Variants in NCKAP5 observed in about 807,000 individuals in gnomAD.
NCKAP5 encodes NCK associated protein 5, also known as nck-associated protein 5.
NCKAP5 carries 92 observed loss-of-function variants against 167.0 expected under a neutral mutation model. The ratio of observed to expected loss-of-function variants is 0.55; its 90% CI spans 0.47 to 0.66. NCKAP5 has a LOEUF of 0.66. Ranked by LOEUF, NCKAP5 falls within the 30% of genes least tolerant of loss-of-function variation. The pLI is 0.00. For missense variants in NCKAP5, 2,378 were observed against 2,315.0 expected, an observed-to-expected ratio of 1.03 and a Z score of -0.56; for synonymous variants, 891 against 877.4, an observed-to-expected ratio of 1.02 and a Z score of -0.27.
chr2:133,457,187 T>C (rs1267199657), intron 3 of NCKAP5, among the ~76,000 whole-genome samples: 2 of 152,214 alleles, frequency 1.3e-5, no homozygotes, highest in African/African-American at 4.8e-5. Flanking sequence ...TTGGATTAAA[T>C]AGTTTCTGAT....
chr2:133,636,717 A>G, the NCKAP5 span, among the ~76,000 whole-genome samples: 2 of 152,196 alleles, frequency 1.3e-5, no homozygotes, highest in Admixed American at 6.5e-5. Context: ...CCAGGGAGGA[A>G]AGCAAATGCT....
chr2:132,920,781 A>G (rs57202596), intron 8 of NCKAP5, among the ~76,000 whole-genome samples: 1,207 of 46,068 alleles, frequency 0.026, 141 homozygotes, highest in East Asian at 0.098. Context: ...GTATATATAT[A>G]TATATATATA....
At chr2:133,274,783 GAA>G (rs35506573) in intron 4 of NCKAP5, among the ~76,000 whole-genome samples, 1 of 145,956 alleles carries the variant, frequency 6.9e-6, no homozygotes, top group Non-Finnish European at 1.5e-5. Context: ...TGTGATAATG[GAA>G]AAAAAAAAAT....
At chr2:133,451,982 T>C (rs1231483945) in intron 3 of NCKAP5, among the ~76,000 whole-genome samples, 1 of 152,124 alleles carries the variant, frequency 6.6e-6, no homozygotes, top group Admixed American at 6.5e-5. Flanking sequence ...CAAGAAAATT[T>C]AGAGGAGGAG....
At chr2:133,303,549 A>T (rs1680556427) in intron 3 of NCKAP5, among the ~76,000 whole-genome samples, 1 of 152,146 alleles carries the variant, frequency 6.6e-6, no homozygotes, top group African/African-American at 2.4e-5. Context: ...TATAAATATA[A>T]TATATACCCA....
the NCKAP5 span, among the ~76,000 whole-genome samples, chr2:133,641,365 A>G: frequency 6.6e-6 from 1 of 152,314 alleles, no homozygotes; most frequent in African/African-American, 2.4e-5. Context: ...ACCTTTCTCC[A>G]CCATCTAATG....
chr2:133,437,919 A>G (rs1486623026), intron 3 of NCKAP5, among the ~76,000 whole-genome samples: 1 of 151,114 alleles, frequency 6.6e-6, no homozygotes, highest in Non-Finnish European at 1.5e-5. Context: ...TTATTATTTT[A>G]TCTATTTTAC....
chr2:133,251,513 A>G (rs1259074029), intron 4 of NCKAP5, among the ~76,000 whole-genome samples: 1 of 152,164 alleles, frequency 6.6e-6, no homozygotes, highest in Non-Finnish European at 1.5e-5. Flanking sequence ...GAGGATGACA[A>G]CACTAAACAC....
intron 8 of NCKAP5, among the ~76,000 whole-genome samples, chr2:132,883,809 A>C (rs1691986002): frequency 6.6e-6 from 1 of 152,200 alleles, no homozygotes; most frequent in Non-Finnish European, 1.5e-5. Context: ...TGCAGAAGGC[A>C]TGGGTTATAT....
intron 8 of NCKAP5, among the ~76,000 whole-genome samples, chr2:132,941,520 G>T (rs1344527860): frequency 1.3e-5 from 2 of 152,122 alleles, no homozygotes; most frequent in African/African-American, 4.8e-5. Flanking sequence ...TGGCAACACA[G>T]AAATCTGGTG....
chr2:133,314,544 T>C (rs1413033878), intron 3 of NCKAP5, among the ~76,000 whole-genome samples: 1 of 152,186 alleles, frequency 6.6e-6, no homozygotes, highest in East Asian at 1.9e-4. Flanking sequence ...GTTTACTGAT[T>C]ACCCCGATTA....
the NCKAP5 span, among the ~76,000 whole-genome samples, chr2:133,583,359 G>A: frequency 6.6e-6 from 1 of 152,178 alleles, no homozygotes; most frequent in African/African-American, 2.4e-5. Flanking sequence ...AAAGAGCATG[G>A]CACTTCCCCC....
At chr2:133,185,428 T>C (rs1298673963) in intron 5 of NCKAP5, among the ~76,000 whole-genome samples, 8 of 152,138 alleles carry the variant, frequency 5.3e-5, no homozygotes. Flanking sequence ...TGCTCCAGAA[T>C]TCTTTGACTA....
At chr2:133,447,832 G>T (rs1691301166) in intron 3 of NCKAP5, among the ~76,000 whole-genome samples, 2 of 152,036 alleles carry the variant, frequency 1.3e-5, no homozygotes, top group Admixed American at 1.3e-4. Flanking sequence ...GAATCATCTT[G>T]CATCTCTACC....
chr2:132,868,908 A>G (rs1285863087), intron 10 of NCKAP5, 28 bp downstream of exon 10: 1 of 1,529,420 alleles, frequency 6.5e-7, no homozygotes, highest in East Asian at 2.4e-5. Context: ...AAGTGCCTTG[A>G]AAAGAACAAA....
chr2:133,205,845 T>C (rs1392025347), intron 5 of NCKAP5, among the ~76,000 whole-genome samples: 3 of 152,134 alleles, frequency 2.0e-5, no homozygotes, highest in Non-Finnish European at 4.4e-5. Flanking sequence ...TATATGCCTT[T>C]TTTACTATTT....
intron 3 of NCKAP5, among the ~76,000 whole-genome samples, chr2:133,329,004 T>C (rs1406388056): frequency 6.6e-6 from 1 of 152,076 alleles, no homozygotes; most frequent in Admixed American, 6.5e-5. Context: ...AGAAAGGCAA[T>C]AAAAAGGAAT....
At chr2:133,025,346 G>T (rs2078660372) in intron 6 of NCKAP5, among the ~76,000 whole-genome samples, 1 of 152,154 alleles carries the variant, frequency 6.6e-6, no homozygotes, top group Non-Finnish European at 1.5e-5. Context: ...CTTTATTTTG[G>T]CTTCGGAGAA....
intron 3 of NCKAP5, among the ~76,000 whole-genome samples, chr2:133,349,220 C>T (rs998826987): frequency 1.3e-5 from 2 of 152,166 alleles, no homozygotes; most frequent in Non-Finnish European, 2.9e-5. Context: ...ATCTTGTTTC[C>T]CTAGAAGACA....
Sources: allele counts gnomAD v4.1 joint callset (sites outside exome capture counted in the v4.1 genomes callset), GRCh38; gene constraint gnomAD v4.1.1; transcripts MANE v1.5; gene names NCBI Gene and HGNC (gene_info 2026-07-23, HGNC 2026-07-21).